The following ADAMTS16 variants were observed in gnomAD, a reference collection of about 807,000 sequenced individuals.
ADAMTS16 encodes ADAM metallopeptidase with thrombospondin type 1 motif 16, also known as A disintegrin and metalloproteinase with thrombospondin motifs 16.
ADAMTS16 carries 94 observed loss-of-function variants against 145.8 expected under a neutral mutation model. The observed-to-expected ratio is 0.64, with a 90% CI of 0.55 to 0.77. ADAMTS16 has a LOEUF of 0.77. Among genes scored for constraint, ADAMTS16 ranks in the 30% least tolerant of loss-of-function variants. The pLI is 0.00. For synonymous variants in ADAMTS16, 659 were observed against 604.3 expected, an observed-to-expected ratio of 1.09 and a Z score of -1.33; for missense variants, 1,585 against 1,591.5, an observed-to-expected ratio of 1.00 and a Z score of 0.07.
chr5:5,226,051 A>G (rs1166190040), intron 11 of ADAMTS16, among the ~76,000 whole-genome samples: 1 of 152,200 alleles, frequency 6.6e-6, no homozygotes, highest in African/African-American at 2.4e-5. Context: ...GTGGCCTTCC[A>G]TCTTCGCATC....
chr5:5,316,347 A>G (rs1734058811), intron 21 of ADAMTS16, among the ~76,000 whole-genome samples: 1 of 152,160 alleles, frequency 6.6e-6, no homozygotes. Context: ...GACTTCCAAA[A>G]TGTTATCTGA....
At chr5:5,182,326 G>T (rs540092185) in intron 4 of ADAMTS16, 21 bp downstream of exon 4, 1 of 1,599,530 alleles carries the variant, frequency 6.3e-7, no homozygotes, top group Non-Finnish European at 8.5e-7. Context: ...GCGAATCTTT[G>T]TGTGTATTTA....
At chr5:5,205,855 T>C (rs977650227) in intron 9 of ADAMTS16, among the ~76,000 whole-genome samples, 34 of 152,248 alleles carry the variant, frequency 2.2e-4, no homozygotes, top group Admixed American at 2.2e-3. Flanking sequence ...CAGCCCTTTA[T>C]TGGCTATGTC....
chr5:5,158,504 A>G (rs901819982), intron 3 of ADAMTS16, among the ~76,000 whole-genome samples: 2 of 143,866 alleles, frequency 1.4e-5, no homozygotes, highest in African/African-American at 2.5e-5. Context: ...ACACTCCCCA[A>G]TCAGCCATCA....
At chr5:5,224,589 A>G (rs950604441) in intron 11 of ADAMTS16, among the ~76,000 whole-genome samples, 4 of 152,082 alleles carry the variant, frequency 2.6e-5, no homozygotes, top group Admixed American at 6.5e-5. Flanking sequence ...ACATCCGGCC[A>G]ACTGCTTTCA....
chr5:5,214,326 A>G (rs1279542962), intron 10 of ADAMTS16, among the ~76,000 whole-genome samples: 1 of 152,228 alleles, frequency 6.6e-6, no homozygotes, highest in African/African-American at 2.4e-5. Context: ...CATCTATTAA[A>G]ATCACATAAT....
Position 5,297,215 on chromosome 5 carries a change from C to T in ADAMTS16, c.2790-6053C>T, listed in dbSNP as rs1303200544. Among the ~76,000 whole-genome samples the T allele has an allele frequency of 5.3e-5, 8 of 152,096 alleles. No homozygotes were observed. In the South Asian group the frequency reaches 1.2e-3, roughly 24 times the overall value. ...ACTGGCTCTGGATGCCCTTTACCCA[C>T]GAGACAGAGGTGTCTGTAAGCAATG... is the stretch of plus-strand genomic sequence containing the variant. On this transcript the variant is annotated intron_variant, in intron 18 of 22. Coordinates refer to ENST00000274181, the MANE Select transcript of ADAMTS16 (RefSeq NM_139056.4).
At chr5:5,296,687 C>A (rs1375800930) in intron 18 of ADAMTS16, among the ~76,000 whole-genome samples, 1 of 152,130 alleles carries the variant, frequency 6.6e-6, no homozygotes, top group Non-Finnish European at 1.5e-5. Flanking sequence ...AGGAGCGAGA[C>A]CAGGAATGTG....
At chr5:5,252,454 C>T (rs74622677) in intron 17 of ADAMTS16, among the ~76,000 whole-genome samples, 2,735 of 152,204 alleles carry the variant, frequency 0.018, 99 homozygotes, top group African/African-American at 0.063. Context: ...CCCACCTTTA[C>T]GACCTTTGAA....
chr5:5,283,986 A>C (rs1191132207), intron 18 of ADAMTS16, among the ~76,000 whole-genome samples: 5 of 152,208 alleles, frequency 3.3e-5, no homozygotes, highest in Non-Finnish European at 7.3e-5. Context: ...ACCTTTCAAA[A>C]GATGTCTTAT....
intron 17 of ADAMTS16, among the ~76,000 whole-genome samples, chr5:5,245,222 C>A (rs1339639779): frequency 6.6e-6 from 1 of 152,128 alleles, no homozygotes; most frequent in South Asian, 2.1e-4. Flanking sequence ...TTCTAAATTT[C>A]AAAAGTTAAA....
intron 8 of ADAMTS16, among the ~76,000 whole-genome samples, chr5:5,196,451 T>C (rs1274320764): frequency 6.6e-6 from 1 of 152,072 alleles, no homozygotes; most frequent in Admixed American, 6.6e-5. Context: ...TTTAAAGACT[T>C]GAAGAATATT....
Position 5,146,140 on chromosome 5 carries a change from G to A in ADAMTS16, c.186G>A (p.Leu62=). ...CTCTTTTGATTTCAGAATATGACCT[G>A]GTCTCTGCCTACGAGGTTGACCACA... is the stretch of plus-strand genomic sequence containing the variant. ...PGWMEKGEYD[L]VSAYEVDHRG... The change falls in exon 3 of 23, where the codon CTG becomes CTA. Residue 62 remains leucine, a synonymous_variant. Coordinates refer to ENST00000274181, the MANE Select transcript of ADAMTS16 (RefSeq NM_139056.4). The A allele has an allele frequency of 6.2e-7, 1 of 1,613,460 alleles. No homozygotes were observed. Among genetic ancestry groups the A allele is most frequent in the Non-Finnish European group, 8.5e-7 (1 of 1,179,458 alleles).
At chr5:5,233,374 A>G (rs545931486) in intron 12 of ADAMTS16, among the ~76,000 whole-genome samples, 1 of 152,326 alleles carries the variant, frequency 6.6e-6, no homozygotes, top group Admixed American at 6.5e-5. Flanking sequence ...GGGGTAGAGT[A>G]TAGGTTTGTT....
intron 3 of ADAMTS16, among the ~76,000 whole-genome samples, chr5:5,167,078 T>C (rs1376291852): frequency 1.3e-5 from 2 of 152,252 alleles, no homozygotes; most frequent in Non-Finnish European, 2.9e-5. Context: ...TTTATTTCTC[T>C]TCTTCTTTTT....
chr5:5,177,704 C>G (rs1456739532), intron 3 of ADAMTS16, among the ~76,000 whole-genome samples: 1 of 152,038 alleles, frequency 6.6e-6, no homozygotes, highest in Non-Finnish European at 1.5e-5. Context: ...TGAAATATCA[C>G]TAAGAAGACC....
At chr5:5,268,334 G>A (rs904535059) in intron 18 of ADAMTS16, among the ~76,000 whole-genome samples, 5 of 152,132 alleles carry the variant, frequency 3.3e-5, no homozygotes, top group African/African-American at 1.2e-4. Flanking sequence ...AGCTCCCCTG[G>A]GAGGACCCCA....
At chr5:5,186,653 A>G (rs1166613550) in intron 5 of ADAMTS16, among the ~76,000 whole-genome samples, 1 of 152,170 alleles carries the variant, frequency 6.6e-6, no homozygotes, top group Non-Finnish European at 1.5e-5. Flanking sequence ...AGAAATACTA[A>G]TGTTCAAATG....
chr5:5,301,503 A>G (rs13170260), intron 18 of ADAMTS16, among the ~76,000 whole-genome samples: 112,374 of 152,132 alleles, frequency 0.74, 41,926 homozygotes, highest in South Asian at 0.82. Context: ...ATGTTCATAG[A>G]AGGGATCATA....
Sources: gnomAD v4.1 joint callset for allele counts (sites outside exome capture counted in the v4.1 genomes callset) on GRCh38, gnomAD v4.1.1 for gene constraint, MANE v1.5 for transcripts, NCBI Gene and HGNC (gene_info 2026-07-23, HGNC 2026-07-21) for gene names.